The following MAGI1 variants were observed in gnomAD, a reference collection of about 807,000 sequenced individuals.
MAGI1 encodes the protein membrane-associated guanylate kinase, WW and PDZ domain-containing protein 1.
Under a neutral mutation model 139.9 loss-of-function variants are expected in MAGI1, and 58 were observed. The observed-to-expected ratio is 0.41, with a 90% CI of 0.34 to 0.52. The LOEUF is 0.52. Ranked by LOEUF, MAGI1 falls within the 20% of genes least tolerant of loss-of-function variation. The pLI, the probability that MAGI1 is intolerant of heterozygous loss-of-function variation, is 0.12. For synonymous variants in MAGI1, 812 were observed against 737.9 expected (o/e 1.10, Z -1.63); for missense variants, 1,874 against 1,901.6 (o/e 0.99, Z 0.27).
At chr3:65,728,012 G>C (rs550015842) in intron 1 of MAGI1, among the ~76,000 whole-genome samples, 2 of 152,320 alleles carry the variant, frequency 1.3e-5, no homozygotes, top group East Asian at 3.9e-4. Context: ...GGAAACATTT[G>C]TAAAGGGATA....
At position 65,502,101 on chromosome 3, in the gene MAGI1, G is replaced by A. The variant is rs542531514; in HGVS notation, c.431-8470C>T. On this transcript the variant is annotated intron_variant, in intron 2 of 22. Transcript: ENST00000402939. ...TTCTTGCCTGCGGTGGTGGTTGCAC[G>A]ACTGTGCTTTGGTCAAAACCCATAG... Among the ~76,000 whole-genome samples, 22 of 152,286 alleles carry A rather than the reference G, an allele frequency of 1.4e-4. No individual in the cohort carries two copies. In the South Asian group the frequency reaches 4.6e-3, roughly 32 times the overall value.
chr3:65,439,742 C>G, intron 9 of MAGI1, 137 bp downstream of exon 9: 1 of 1,524,470 alleles, frequency 6.6e-7, no homozygotes, highest in Non-Finnish European at 8.8e-7. Context: ...TCTTCCTCCC[C>G]ACAGGACATC....
chr3:65,899,832 T>C (rs927196209), intron 1 of MAGI1, among the ~76,000 whole-genome samples: 1 of 152,164 alleles, frequency 6.6e-6, no homozygotes, highest in Non-Finnish European at 1.5e-5. Context: ...GAACCCAAAT[T>C]AAAATAAACC....
At position 65,508,403 on chromosome 3, in the gene MAGI1, C is replaced by CA. The variant is rs571879285; in HGVS notation, c.431-14773dup. ...TGGGTGACAGAGTGAGACTCTGTCT[C>CA]AAAAAAAAATAAAAATAAAAATAAA... On this transcript the variant is annotated intron_variant, in intron 2 of 22. Transcript: ENST00000402939. Among the ~76,000 whole-genome samples, 250 of 142,198 alleles carry CA rather than the reference C, an allele frequency of 1.8e-3. 2 individuals are homozygous for CA. The highest frequency in any genetic ancestry group is 5.1e-3 in the African/African-American group (197 of 38,410). The allele number at this position is 142,198 out of a possible 152,430, so 93.3% of individuals were successfully genotyped here.
intron 1 of MAGI1, among the ~76,000 whole-genome samples, chr3:65,699,966 G>T (rs555499255): frequency 4.6e-5 from 7 of 151,112 alleles, no homozygotes; most frequent in African/African-American, 1.7e-4. Context: ...AACTCTGAAG[G>T]TAGGGCCCCA....
chr3:65,901,381 G>A (rs1033523924), intron 1 of MAGI1, among the ~76,000 whole-genome samples: 13 of 152,206 alleles, frequency 8.5e-5, no homozygotes, highest in East Asian at 5.8e-4. Context: ...ACGTGGTGAC[G>A]AAATTGGCTG....
intron 12 of MAGI1, among the ~76,000 whole-genome samples, chr3:65,402,505 G>C (rs1297867982): frequency 6.6e-6 from 1 of 152,154 alleles, no homozygotes; most frequent in African/African-American, 2.4e-5. Context: ...TGCCTCTTTT[G>C]ATTTTTTTCT....
chr3:66,023,748 G>A (rs1368115032), intron 1 of MAGI1, among the ~76,000 whole-genome samples: 7 of 152,146 alleles, frequency 4.6e-5, no homozygotes, highest in Non-Finnish European at 8.8e-5. Context: ...AACTTCATTC[G>A]TTCTTGTTGG....
At chr3:65,543,317 T>C (rs1030788085) in intron 2 of MAGI1, among the ~76,000 whole-genome samples, 5 of 152,118 alleles carry the variant, frequency 3.3e-5, no homozygotes, top group African/African-American at 1.2e-4. Context: ...TCTAAATTAG[T>C]TCAACCATTG....
intron 1 of MAGI1, among the ~76,000 whole-genome samples, chr3:65,913,610 T>C (rs887348336): frequency 3.3e-5 from 5 of 152,286 alleles, no homozygotes; most frequent in Non-Finnish European, 7.4e-5. Flanking sequence ...ACAGGTTCCT[T>C]AAACACAGTA....
chr3:65,833,112 G>T (rs981126998), intron 1 of MAGI1, among the ~76,000 whole-genome samples: 1 of 125,814 alleles, frequency 7.9e-6, no homozygotes, highest in Admixed American at 8.8e-5. Flanking sequence ...TGGAATGGAG[G>T]TCTACTGAAC....
At chr3:65,989,607 G>A (rs961493789) in intron 1 of MAGI1, among the ~76,000 whole-genome samples, 3 of 151,450 alleles carry the variant, frequency 2.0e-5, no homozygotes, top group Non-Finnish European at 4.4e-5. Context: ...GCATGATCTC[G>A]GCTCACTGCA....
intron 4 of MAGI1, among the ~76,000 whole-genome samples, chr3:65,476,355 T>A (rs1950887824): frequency 6.6e-6 from 1 of 152,120 alleles, no homozygotes; most frequent in African/African-American, 2.4e-5. Context: ...AGGAACACAA[T>A]CAGGTGTCAC....
chr3:65,535,299 A>G (rs1483761893), intron 2 of MAGI1, among the ~76,000 whole-genome samples: 3 of 152,194 alleles, frequency 2.0e-5, no homozygotes, highest in Non-Finnish European at 4.4e-5. Context: ...GATTATTGTT[A>G]ACTTTGAAGA....
rs200685812 is a variant in MAGI1, at chr3:65,356,591, G to A, written c.4176C>T (p.Pro1392=). 5.0e-6 allele frequency: 8 copies of A among 1,596,308 alleles called. No individual in the cohort carries two copies. In the East Asian group the frequency reaches 8.9e-5, roughly 18 times the overall value. ...RSPERRRGGS[P]ERRAKSTDRR... is the part of the protein sequence containing the mutation. ...GGTCGGTGGACTTGGCCCTGCGCTC[G>A]GGCGAGCCCCCTCTCCTGCGCTCGG... Residue 1392 remains proline, a synonymous_variant, in exon 23 of 23, where the codon CCC becomes CCT. Coordinates refer to ENST00000402939, the MANE Select transcript of MAGI1 (RefSeq NM_001033057.2).
rs1940241220 is a variant in MAGI1 at position 65,357,069 on chromosome 3, C to T, written c.3698G>A (p.Gly1233Glu). The change falls in exon 23 of 23, where the codon GGG (glycine) becomes GAG (glutamate). Residue 1233 changes from glycine (G) to glutamate (E), a missense_variant. Around this residue, in one of 5 missense-constraint regions of MAGI1, gnomAD observed 653 missense variants for 644.5 expected, o/e 1.01. Coordinates refer to ENST00000402939, the MANE Select transcript of MAGI1 (RefSeq NM_001033057.2). ...GPQGVPEVRA[G>E]PDRRQHPSLE... Reference sequence around the variant, plus strand: ...TGACGGATGCTGCCGGCGGTCGGGCCCGGCCCTCACTTCCGGAACACCTTG... The same window carrying T: ...TGACGGATGCTGCCGGCGGTCGGGCTCGGCCCTCACTTCCGGAACACCTTG... 6.2e-7 allele frequency: 1 copy of T among 1,614,040 alleles called. No homozygotes were observed. Among genetic ancestry groups the T allele is most frequent in the African/African-American group, 1.3e-5 (1 of 74,950 alleles).
chr3:65,957,591 A>G (rs2064197623), intron 1 of MAGI1, among the ~76,000 whole-genome samples: 1 of 152,044 alleles, frequency 6.6e-6, no homozygotes, highest in Non-Finnish European at 1.5e-5. Flanking sequence ...ACAAATCTCA[A>G]TACAATGTTG....
intron 12 of MAGI1, 150 bp from the exon 13 acceptor site, chr3:65,401,620 A>T: frequency 6.4e-7 from 1 of 1,550,452 alleles, no homozygotes; most frequent in Middle Eastern, 1.7e-4. Flanking sequence ...CGGAGTTACC[A>T]GGCTGTTCAT....
At chr3:65,870,415 A>G (rs1221593142) in intron 1 of MAGI1, among the ~76,000 whole-genome samples, 1 of 152,024 alleles carries the variant, frequency 6.6e-6, no homozygotes, top group Non-Finnish European at 1.5e-5. Context: ...CTTCTCTAGG[A>G]CCTAGAGGGC....
Sources: gnomAD v4.1 joint callset for allele counts (sites outside exome capture counted in the v4.1 genomes callset) on GRCh38, gnomAD v4.1.1 for gene constraint, gnomAD v4.1.1 regional missense constraint, MANE v1.5 for transcripts, NCBI Gene and HGNC (gene_info 2026-07-23, HGNC 2026-07-21) for gene names.